The following PTPRD variants were observed in gnomAD, a reference collection of about 807,000 sequenced individuals.
The protein encoded by PTPRD is protein tyrosine phosphatase receptor type D, also known as receptor-type tyrosine-protein phosphatase delta.
A neutral mutation model predicts 214.5 loss-of-function variants in PTPRD; 34 were observed. The ratio of observed to expected loss-of-function variants is 0.16; its 90% CI spans 0.12 to 0.21. The LOEUF (loss-of-function observed/expected upper bound fraction) is 0.21. PTPRD is among the 10% of genes least tolerant of loss of function. The pLI is 1.00. For missense variants in PTPRD, 2,545 were observed against 2,398.7 expected (o/e 1.06, Z -1.27); for synonymous variants, 1,128 against 845.7 (o/e 1.33, Z -5.79).
At chr9:8,392,089 GA>G (rs2135807132) in intron 36 of PTPRD, among the ~76,000 whole-genome samples, 1 of 152,172 alleles carries the variant, frequency 6.6e-6, no homozygotes, top group Admixed American at 6.5e-5. Flanking sequence ...AATGCTTTAA[GA>G]ATTTAGGAAT....
At chr9:8,620,509 A>G (rs2095787776) in intron 14 of PTPRD, among the ~76,000 whole-genome samples, 1 of 152,036 alleles carries the variant, frequency 6.6e-6, no homozygotes. Context: ...ATTTTGCATC[A>G]GTGATGGTGG....
intron 8 of PTPRD, among the ~76,000 whole-genome samples, chr9:9,565,881 TAAC>T (rs2084361937): frequency 6.6e-6 from 1 of 151,918 alleles, no homozygotes; most frequent in African/African-American, 2.4e-5. Flanking sequence ...AATGACCAAG[TAAC>T]CCTACTTAAA....
intron 5 of PTPRD, among the ~76,000 whole-genome samples, chr9:9,870,752 T>C (rs892533555): frequency 2.6e-5 from 4 of 152,168 alleles, no homozygotes; most frequent in African/African-American, 9.6e-5. Flanking sequence ...ATTAAATAAT[T>C]TAGCCAAAAA....
intron 10 of PTPRD, among the ~76,000 whole-genome samples, chr9:9,057,182 T>C (rs2099697900): frequency 6.6e-6 from 1 of 152,182 alleles, no homozygotes; most frequent in South Asian, 2.1e-4. Flanking sequence ...ATATAAAGAT[T>C]ATTTTTCACT....
At chr9:9,076,748 C>T (rs139790178) in intron 10 of PTPRD, among the ~76,000 whole-genome samples, 187 of 150,492 alleles carry the variant, frequency 1.2e-3, no homozygotes, top group African/African-American at 4.0e-3. Flanking sequence ...AATAGTGTTG[C>T]AATAAACATG....
intron 4 of PTPRD, among the ~76,000 whole-genome samples, chr9:9,954,828 T>C (rs1174102094): frequency 1.3e-5 from 2 of 152,122 alleles, no homozygotes; most frequent in Admixed American, 1.3e-4. Context: ...GAATTTTCCT[T>C]CAAATGGCTA....
At chr9:9,292,281 T>C (rs76235525) in intron 9 of PTPRD, among the ~76,000 whole-genome samples, 2,577 of 151,434 alleles carry the variant, frequency 0.017, 36 homozygotes, top group Middle Eastern at 0.027. Flanking sequence ...CTCTATTCTG[T>C]GATAGAAGAC....
chr9:10,543,503 CACAA>C (rs1486842120), intron 2 of PTPRD, among the ~76,000 whole-genome samples: 3 of 151,036 alleles, frequency 2.0e-5, no homozygotes, highest in Non-Finnish European at 3.0e-5. Context: ...CACACACACA[CACAA>C]ACACACACAC....
chr9:10,097,567 G>T (rs1489094081), intron 3 of PTPRD, among the ~76,000 whole-genome samples: 1 of 151,658 alleles, frequency 6.6e-6, no homozygotes, highest in Non-Finnish European at 1.5e-5. Context: ...AAGAACGCTT[G>T]TGATTTTTGC....
chr9:9,468,185 G>C (rs2094348128), intron 8 of PTPRD, among the ~76,000 whole-genome samples: 1 of 151,328 alleles, frequency 6.6e-6, no homozygotes, highest in African/African-American at 2.4e-5. Context: ...TTTAACTATT[G>C]ATTCAGTTTT....
intron 9 of PTPRD, among the ~76,000 whole-genome samples, chr9:9,345,145 T>C (rs2048321101): frequency 6.6e-6 from 1 of 152,216 alleles, no homozygotes; most frequent in Non-Finnish European, 1.5e-5. Flanking sequence ...ATTTTACAAA[T>C]GCTAATTTTA....
intron 2 of PTPRD, among the ~76,000 whole-genome samples, chr9:10,565,940 ATTC>A (rs2065465474): frequency 1.3e-5 from 2 of 152,038 alleles, no homozygotes; most frequent in Middle Eastern, 3.4e-3. Context: ...TTACTTCATC[ATTC>A]TTCTGCTTTT....
chr9:8,655,340 C>A (rs1348576383), intron 12 of PTPRD, among the ~76,000 whole-genome samples: 2 of 152,190 alleles, frequency 1.3e-5, no homozygotes, highest in East Asian at 1.9e-4. Context: ...AGTTTGATCG[C>A]AGAAAGGCTG....
chr9:10,050,425 T>G (rs1197697151), intron 3 of PTPRD, among the ~76,000 whole-genome samples: 2 of 150,380 alleles, frequency 1.3e-5, no homozygotes, highest in African/African-American at 4.9e-5. Context: ...CCAGGCGTGG[T>G]GGCGCGCGTC....
intron 3 of PTPRD, among the ~76,000 whole-genome samples, chr9:10,213,592 G>A (rs575588938): frequency 2.0e-5 from 3 of 152,076 alleles, no homozygotes; most frequent in African/African-American, 7.2e-5. Flanking sequence ...AGTGTTGGAG[G>A]TTATTCACTA....
intron 5 of PTPRD, among the ~76,000 whole-genome samples, chr9:9,912,893 T>A (rs2153831762): frequency 6.6e-6 from 1 of 152,266 alleles, no homozygotes; most frequent in South Asian, 2.1e-4. Context: ...AAAAATAGAG[T>A]ATAATCAATG....
intron 3 of PTPRD, among the ~76,000 whole-genome samples, chr9:10,173,004 C>A (rs1593131030): frequency 1.3e-5 from 2 of 152,026 alleles, no homozygotes; most frequent in Admixed American, 1.3e-4. Flanking sequence ...CTCCTTTTTC[C>A]TTTGTAAAAG....
At chr9:10,443,340 A>G (rs2098774164) in intron 2 of PTPRD, among the ~76,000 whole-genome samples, 1 of 151,672 alleles carries the variant, frequency 6.6e-6, no homozygotes, top group African/African-American at 2.4e-5. Flanking sequence ...GCTACATTCA[A>G]TCTATGGTAG....
At chr9:9,900,986 G>A (rs1170263439) in intron 5 of PTPRD, among the ~76,000 whole-genome samples, 4 of 152,100 alleles carry the variant, frequency 2.6e-5, no homozygotes, top group Non-Finnish European at 5.9e-5. Context: ...AATATCTGAG[G>A]CTGAGTTACT....
Sources: allele counts gnomAD v4.1 joint callset (sites outside exome capture counted in the v4.1 genomes callset), GRCh38; gene constraint gnomAD v4.1.1; transcripts MANE v1.5; gene names NCBI Gene and HGNC (gene_info 2026-07-23, HGNC 2026-07-21).